Variants in CDH23 observed in about 807,000 individuals in gnomAD.
CDH23 encodes cadherin related 23, also known as cadherin-23.
CDH23 carries 189 observed loss-of-function variants against 317.1 expected under a neutral mutation model. That is an observed-to-expected ratio of 0.60 (90% CI 0.53 to 0.67). The LOEUF (loss-of-function observed/expected upper bound fraction) is 0.67, where lower values mean the gene tolerates loss of function less well. CDH23 is among the 30% of genes least tolerant of loss of function. The pLI is 0.00. For synonymous variants in CDH23, 1,839 were observed against 1,876.8 expected (o/e 0.98, Z 0.52); for missense variants, 4,401 against 4,592.4 (o/e 0.96, Z 1.20).
chr10:71,667,743 G>C (rs1307753844), intron 14 of CDH23, among the ~76,000 whole-genome samples: 1 of 152,150 alleles, frequency 6.6e-6, no homozygotes, highest in Non-Finnish European at 1.5e-5. Context: ...GTAAGAAGGG[G>C]TTCTCAGGAA....
At chr10:71,702,800 T>C in intron 24 of CDH23, 106 bp downstream of exon 24, 1 of 1,346,194 alleles carries the variant, frequency 7.4e-7, no homozygotes, top group Non-Finnish European at 1.0e-6. Context: ...GGGGAGGAGC[T>C]GGGTCTTGAA....
chr10:71,571,904 C>T (rs1326581290), intron 8 of CDH23, among the ~76,000 whole-genome samples: 2 of 152,240 alleles, frequency 1.3e-5, no homozygotes, highest in Admixed American at 6.5e-5. Context: ...TTGAGTGTGA[C>T]AGGTGAGCTT....
At chr10:71,587,326 C>T (rs1589237962) in intron 9 of CDH23, among the ~76,000 whole-genome samples, 1 of 152,200 alleles carries the variant, frequency 6.6e-6, no homozygotes. Flanking sequence ...TTCAATCATT[C>T]CTTTATTCAT....
chr10:71,646,408 C>T, intron 13 of CDH23, 51 bp from the exon 14 acceptor site: 1 of 1,599,898 alleles, frequency 6.3e-7, no homozygotes, highest in Non-Finnish European at 8.5e-7. Context: ...GACAAGGACT[C>T]TGGGAGGGGA....
At chr10:71,779,497 G>A (rs531953225) in intron 41 of CDH23, 50 bp downstream of exon 41, 162 of 1,475,028 alleles carry the variant, frequency 1.1e-4, no homozygotes, top group Admixed American at 1.0e-3. Context: ...CTGCACACCC[G>A]CTCAGGGGAG....
At chr10:71,679,325 A>T in intron 16 of CDH23, 62 bp from the exon 17 acceptor site, 1 of 757,166 alleles carries the variant, frequency 1.3e-6, no homozygotes, top group Non-Finnish European at 2.3e-6. Flanking sequence ...CCAGCTGCCC[A>T]CCCTCTTCTG....
intron 3 of CDH23, among the ~76,000 whole-genome samples, chr10:71,481,573 G>T (rs977619601): frequency 6.6e-6 from 1 of 152,162 alleles, no homozygotes; most frequent in African/African-American, 2.4e-5. Flanking sequence ...CTCCCCTTTT[G>T]GGTGTCATTC....
intron 6 of CDH23, among the ~76,000 whole-genome samples, chr10:71,526,796 T>G (rs984142327): frequency 3.9e-5 from 6 of 152,196 alleles, no homozygotes; most frequent in Admixed American, 3.9e-4. Flanking sequence ...ATTCTCCCTC[T>G]TTTAAAAATG....
intron 9 of CDH23, among the ~76,000 whole-genome samples, chr10:71,612,542 G>A (rs1564687423): frequency 6.6e-6 from 1 of 151,896 alleles, no homozygotes; most frequent in Non-Finnish European, 1.5e-5. Flanking sequence ...ATCTCACAAA[G>A]ATAAAAATTG....
intron 6 of CDH23, among the ~76,000 whole-genome samples, chr10:71,525,988 G>C (rs1296126269): frequency 6.6e-6 from 1 of 152,210 alleles, no homozygotes; most frequent in Non-Finnish European, 1.5e-5. Context: ...ATGAGTCCCT[G>C]GCCTCCAGCA....
rs902455212 is a variant in CDH23, at chr10:71,808,152, C to T, written c.8722+145C>T. On this transcript the variant is annotated intron_variant, in intron 60 of 69. Coordinates refer to ENST00000224721, the MANE Select transcript of CDH23 (RefSeq NM_022124.6). ...CAGCCACACCAATCCTATTCATCCA[C>T]CTATTCAGCAATCCGTTCTCCAGTG... 19 of 960,912 alleles carry T rather than the reference C, an allele frequency of 2.0e-5. No homozygotes were observed. In the African/African-American group the frequency reaches 2.8e-4, roughly 14 times the overall value. 59.5% of individuals were successfully genotyped at this position (960,912 alleles called of 1,614,324 possible).
chr10:71,671,476 C>T (rs1016567907), intron 14 of CDH23, among the ~76,000 whole-genome samples: 11 of 152,196 alleles, frequency 7.2e-5, no homozygotes, highest in Admixed American at 1.3e-4. Flanking sequence ...TGGCACTCCT[C>T]GAACCCTCCT....
intron 1 of CDH23, among the ~76,000 whole-genome samples, chr10:71,407,729 G>A (rs1848168539): frequency 6.6e-6 from 1 of 152,168 alleles, no homozygotes; most frequent in Admixed American, 6.5e-5. Context: ...AGAGCTTGTA[G>A]TTTTATCATG....
At position 71,640,698 on chromosome 10, in the gene CDH23, G is replaced by A. The variant is rs190567671; in HGVS notation, c.1135-3163G>A. 1.5e-3 allele frequency among the ~76,000 whole-genome samples: 228 copies of A among 152,220 alleles called. 1 individual carries two copies. Among genetic ancestry groups the A allele is most frequent in the Non-Finnish European group, 2.7e-3 (182 of 68,022 alleles). ...GGACTCGGGAGGCAGAGGTTGCAGT[G>A]AGCTGAGATCACGCCACTGCACTCC... On this transcript the variant is annotated intron_variant, in intron 11 of 69. Transcript: ENST00000224721.
intron 4 of CDH23, among the ~76,000 whole-genome samples, chr10:71,510,465 A>G (rs1293032881): frequency 6.6e-6 from 1 of 152,104 alleles, no homozygotes; most frequent in Admixed American, 6.6e-5. Context: ...GGCAAGAGGG[A>G]CAGTGACCCT....
chr10:71,796,977 G>T (rs1339342370), intron 48 of CDH23, 127 bp from the exon 49 acceptor site: 3 of 650,280 alleles, frequency 4.6e-6, no homozygotes, highest in South Asian at 3.3e-5. Context: ...CCAGCCACAA[G>T]TCCCAGATTC....
At chr10:71,772,480 G>A (rs1840708255) in intron 38 of CDH23, among the ~76,000 whole-genome samples, 1 of 152,238 alleles carries the variant, frequency 6.6e-6, no homozygotes, top group African/African-American at 2.4e-5. Context: ...TAGGCAACCA[G>A]GCCATGGGTA....
In CDH23 at chr10:71,679,406, C is replaced by T. The variant is rs777268112; in HGVS notation, c.1772C>T (p.Pro591Leu). 25 of 1,613,746 alleles carry T rather than the reference C, an allele frequency of 1.5e-5. No individual in the cohort carries two copies. Among genetic ancestry groups the T allele is most frequent in the East Asian group, 2.2e-5 (1 of 44,878 alleles). ...VRLRATDEDSPPNNQITYSIV... is the reference protein window; with the variant it reads ...VRLRATDEDSLPNNQITYSIV... ...TTTCAGGCAACAGATGAAGACTCCC[C>T]TCCCAACAACCAGATCACCTACAGC... Residue 591 changes from proline (P) to leucine (L), a missense_variant, in exon 17 of 70, where the codon CCT becomes CTT. Transcript: ENST00000224721.
chr10:71,585,749 C>T (rs1024847424), intron 9 of CDH23, among the ~76,000 whole-genome samples: 1 of 152,198 alleles, frequency 6.6e-6, no homozygotes, highest in Non-Finnish European at 1.5e-5. Context: ...CAGCCGGCCT[C>T]TCCTGATGCT....
Sources: gnomAD v4.1 joint callset for allele counts (sites outside exome capture counted in the v4.1 genomes callset) on GRCh38, gnomAD v4.1.1 for gene constraint, MANE v1.5 for transcripts, NCBI Gene and HGNC (gene_info 2026-07-23, HGNC 2026-07-21) for gene names.